Variants in STK32B observed in about 807,000 individuals in gnomAD.
STK32B encodes the protein serine/threonine-protein kinase 32B.
A neutral mutation model predicts 52.6 loss-of-function variants in STK32B; 43 were observed. The observed-to-expected ratio is 0.82, with a 90% CI of 0.64 to 1.05. The LOEUF (loss-of-function observed/expected upper bound fraction) is 1.05. Among genes scored for constraint, STK32B ranks in the 50% least tolerant of loss-of-function variants. The pLI is 0.00. For synonymous variants in STK32B, 238 were observed against 204.3 expected (o/e 1.17, Z -1.41); for missense variants, 621 against 534.6 (o/e 1.16, Z -1.59).
intron 4 of STK32B, among the ~76,000 whole-genome samples, chr4:5,358,104 A>G (rs971327730): frequency 2.0e-5 from 3 of 152,220 alleles, no homozygotes; most frequent in African/African-American, 4.8e-5. Context: ...TTCTGTGATG[A>G]CAGAAAAGTG....
At chr4:5,128,216 G>A (rs2108818102) in intron 1 of STK32B, among the ~76,000 whole-genome samples, 1 of 152,310 alleles carries the variant, frequency 6.6e-6, no homozygotes, top group South Asian at 2.1e-4. Flanking sequence ...CCAGAACTGT[G>A]AGGCAATGAA....
intron 4 of STK32B, among the ~76,000 whole-genome samples, chr4:5,341,174 C>T (rs1335894560): frequency 6.6e-6 from 1 of 152,172 alleles, no homozygotes; most frequent in Non-Finnish European, 1.5e-5. Context: ...TCACATCCGC[C>T]CCAGAGGAAG....
chr4:5,080,233 C>T (rs554406766), intron 1 of STK32B, among the ~76,000 whole-genome samples: 196 of 152,282 alleles, frequency 1.3e-3, no homozygotes, highest in African/African-American at 4.5e-3. Flanking sequence ...AGGCCCCCTG[C>T]CACCTCTCAG....
At chr4:5,233,839 C>CAGAT (rs1179009591) in intron 3 of STK32B, among the ~76,000 whole-genome samples, 2 of 151,854 alleles carry the variant, frequency 1.3e-5, no homozygotes, top group Admixed American at 6.6e-5. Context: ...GAAGTCATAA[C>CAGAT]AGATAGTGCA....
intron 1 of STK32B, among the ~76,000 whole-genome samples, chr4:5,136,036 A>G (rs1182200149): frequency 1.3e-5 from 2 of 152,150 alleles, no homozygotes; most frequent in Admixed American, 1.3e-4. Flanking sequence ...CAGGAGGTGA[A>G]TTCAGGAGGT....
At chr4:5,065,970 C>G (rs867998012) in intron 1 of STK32B, among the ~76,000 whole-genome samples, 3 of 152,104 alleles carry the variant, frequency 2.0e-5, no homozygotes, top group Non-Finnish European at 4.4e-5. Flanking sequence ...GTGATCTGCC[C>G]GCCTCAGCCT....
intron 3 of STK32B, among the ~76,000 whole-genome samples, chr4:5,175,486 G>C (rs1719788256): frequency 6.6e-6 from 1 of 152,094 alleles, no homozygotes; most frequent in Non-Finnish European, 1.5e-5. Flanking sequence ...TTTTTGGTGT[G>C]GATGTCTTTC....
At chr4:5,093,431 C>T (rs533281829) in intron 1 of STK32B, among the ~76,000 whole-genome samples, 6 of 152,216 alleles carry the variant, frequency 3.9e-5, no homozygotes, top group Non-Finnish European at 7.4e-5. Context: ...TCAAGTTTTT[C>T]GAGTATCTAC....
intron 1 of STK32B, among the ~76,000 whole-genome samples, chr4:5,080,736 A>C (rs1712367539): frequency 6.6e-6 from 1 of 152,208 alleles, no homozygotes; most frequent in African/African-American, 2.4e-5. Flanking sequence ...AATGATTATC[A>C]TAATCATATT....
intron 5 of STK32B, among the ~76,000 whole-genome samples, chr4:5,402,633 C>T (rs546969491): frequency 4.7e-4 from 72 of 152,330 alleles, no homozygotes; most frequent in African/African-American, 1.7e-3. Flanking sequence ...TCACCTGGGT[C>T]CTAAGACCCC....
rs558110411 is a variant in STK32B at position 5,336,159 on chromosome 4, C to T, written c.434+4766C>T. Among the ~76,000 whole-genome samples the T allele has an allele frequency of 4.7e-5, 7 of 147,898 alleles. No homozygotes were observed. The South Asian group carries it at 1.6e-3, about 33-fold the overall frequency. ...AATCATACTAGATGCTGAAATGACA[C>T]CCACACACCCACCCACACACACACA... On this transcript the variant is annotated intron_variant, in intron 4 of 11. Transcript: ENST00000282908.
At chr4:5,091,258 G>A (rs1437353098) in intron 1 of STK32B, among the ~76,000 whole-genome samples, 3 of 152,038 alleles carry the variant, frequency 2.0e-5, no homozygotes, top group Admixed American at 6.6e-5. Flanking sequence ...ATATTTTTAT[G>A]CATCGAAGGA....
intron 3 of STK32B, among the ~76,000 whole-genome samples, chr4:5,189,963 A>G (rs992770273): frequency 6.6e-6 from 1 of 152,132 alleles, no homozygotes; most frequent in African/African-American, 2.4e-5. Context: ...GTTGCTCAGT[A>G]AGTAGTTGTC....
Position 5,060,513 on chromosome 4 carries a change from A to G in STK32B, c.52+8598A>G, listed in dbSNP as rs189484843. On this transcript the variant is annotated intron_variant, in intron 1 of 11. Transcript: ENST00000282908. Reference sequence around the variant, plus strand: ...TTTGATTCACTGATTTTTTAAAAATAGTTTTCTTCTGTACACTTTTTGGTT... The same window carrying G: ...TTTGATTCACTGATTTTTTAAAAATGGTTTTCTTCTGTACACTTTTTGGTT... Among the ~76,000 whole-genome samples, 29 of 152,150 alleles carry G rather than the reference A, an allele frequency of 1.9e-4. 1 individual carries two copies. In the East Asian group the frequency reaches 5.2e-3, roughly 27 times the overall value.
rs531852312 is a variant in STK32B at position 5,494,469 on chromosome 4, C to G, written c.1107-4476C>G. Among the ~76,000 whole-genome samples the G allele has an allele frequency of 2.2e-3, 334 of 152,092 alleles. 2 individuals carry two copies. Among genetic ancestry groups the G allele is most frequent in the African/African-American group, 7.7e-3 (318 of 41,360 alleles). ...CCCTTTATTTTGAGCCTATGTGTGT[C>G]TCTGCACATGAGATGGGTTTCCTGA... is the stretch of plus-strand genomic sequence containing the variant. On this transcript the variant is annotated intron_variant, in intron 11 of 11. Coordinates refer to ENST00000282908, the MANE Select transcript of STK32B (RefSeq NM_018401.3).
At chr4:5,423,683 G>A (rs1461177374) in intron 6 of STK32B, among the ~76,000 whole-genome samples, 1 of 152,182 alleles carries the variant, frequency 6.6e-6, no homozygotes, top group Non-Finnish European at 1.5e-5. Context: ...GGGCTGGGTT[G>A]GCCAGGGGAT....
chr4:5,109,868 TGAAGACTCCTCTA>T lies in STK32B; in HGVS notation c.53-30026_53-30014del, dbSNP rs1169713803. On this transcript the variant is annotated intron_variant, in intron 1 of 11. Coordinates refer to ENST00000282908, the MANE Select transcript of STK32B (RefSeq NM_018401.3). Reference sequence around the variant, plus strand: ...ACATGATCATATACCTCGAAAACCTTGAAGACTCCTCTAGAAGACTCCTAAACCTGATTAGCAA... The same window carrying T: ...ACATGATCATATACCTCGAAAACCTTGAAGACTCCTAAACCTGATTAGCAA... Among the ~76,000 whole-genome samples, 7 of 152,110 alleles carry T rather than the reference TGAAGACTCCTCTA, an allele frequency of 4.6e-5. No individual in the cohort carries two copies. The East Asian group carries it at 1.3e-3, about 29-fold the overall frequency.
chr4:5,333,533 A>G (rs1732416798), intron 4 of STK32B, among the ~76,000 whole-genome samples: 4 of 152,130 alleles, frequency 2.6e-5, no homozygotes. Flanking sequence ...TTGGTGTTTT[A>G]GACATGAAGT....
chr4:5,032,853 C>T, the STK32B span, among the ~76,000 whole-genome samples: 1 of 152,136 alleles, frequency 6.6e-6, no homozygotes, highest in Admixed American at 6.5e-5. Context: ...TTTAGAGGCC[C>T]AGTTTGATTT....
Sources: gnomAD v4.1 joint callset for allele counts (sites outside exome capture counted in the v4.1 genomes callset) on GRCh38, gnomAD v4.1.1 for gene constraint, MANE v1.5 for transcripts, NCBI Gene and HGNC (gene_info 2026-07-23, HGNC 2026-07-21) for gene names.